DLG2: variants seen among roughly 807,000 people sequenced by gnomAD.
The protein encoded by DLG2 is discs large MAGUK scaffold protein 2, also known as disks large homolog 2.
DLG2 carries 45 observed loss-of-function variants against 132.5 expected under a neutral mutation model. The ratio of observed to expected loss-of-function variants is 0.34; its 90% CI spans 0.27 to 0.44. The LOEUF is 0.44. DLG2 is among the 20% of genes least tolerant of loss of function. DLG2 has a pLI of 1.00. For synonymous variants in DLG2, 424 were observed against 419.6 expected, an observed-to-expected ratio of 1.01 and a Z score of -0.13; for missense variants, 1,045 against 1,196.9, an observed-to-expected ratio of 0.87 and a Z score of 1.87.
At chr11:84,571,885 T>G (rs561253531) in intron 6 of DLG2, among the ~76,000 whole-genome samples, 1 of 152,086 alleles carries the variant, frequency 6.6e-6, no homozygotes. Context: ...AATAACCAGT[T>G]TCACTTACTG....
intron 4 of DLG2, among the ~76,000 whole-genome samples, chr11:85,238,897 G>A (rs1375671447): frequency 8.0e-5 from 12 of 150,796 alleles, no homozygotes; most frequent in East Asian, 2.0e-4. Flanking sequence ...GCTTTGCAAC[G>A]TCAGCTGCAA....
At chr11:84,672,583 C>T (rs2099707063) in intron 6 of DLG2, among the ~76,000 whole-genome samples, 1 of 152,058 alleles carries the variant, frequency 6.6e-6, no homozygotes, top group South Asian at 2.1e-4. Flanking sequence ...GCATTATAAA[C>T]ATGAAGAAGT....
rs927772458 is a variant in DLG2, at chr11:84,459,425, G to A, written c.519+75145C>T. 2.0e-5 allele frequency among the ~76,000 whole-genome samples: 3 copies of A among 150,606 alleles called. No individual in the cohort carries two copies. The Admixed American group carries it at 2.0e-4, about 10-fold the overall frequency. ...AGTAAACATTATAATCCTTTCATTA[G>A]TTAAAATAATTTATTATTTGGCCAT... On this transcript the variant is annotated intron_variant, in intron 7 of 27. Transcript: ENST00000376104.
At chr11:84,270,712 C>T (rs1326768682) in intron 7 of DLG2, among the ~76,000 whole-genome samples, 3 of 152,200 alleles carry the variant, frequency 2.0e-5, no homozygotes, top group Non-Finnish European at 4.4e-5. Flanking sequence ...TCCACACTCA[C>T]AGTAGATGCA....
At position 83,581,948 on chromosome 11, in the gene DLG2, C is replaced by CTTTTTTTTTTTT. The variant is rs71849863; in HGVS notation, c.1941-40102_1941-40091dup. ...GAATTTAGAATTCTGAGTTTGGACT[C>CTTTTTTTTTTTT]TTTTTTTTTTTTTTTTTTTTTTTTT... is the stretch of plus-strand genomic sequence containing the variant. On this transcript the variant is annotated intron_variant, in intron 19 of 27. Coordinates refer to ENST00000376104, the MANE Select transcript of DLG2 (RefSeq NM_001142699.3). Among the ~76,000 whole-genome samples the CTTTTTTTTTTTT allele has an allele frequency of 2.5e-4, 13 of 52,642 alleles. 1 individual carries two copies. Among genetic ancestry groups the CTTTTTTTTTTTT allele is most frequent in the Non-Finnish European group, 3.8e-4 (12 of 31,822 alleles). 34.5% of individuals were successfully genotyped at this position (52,642 alleles called of 152,430 possible).
chr11:84,802,475 T>C (rs940254560), intron 6 of DLG2, among the ~76,000 whole-genome samples: 4 of 151,956 alleles, frequency 2.6e-5, no homozygotes, highest in Non-Finnish European at 5.9e-5. Flanking sequence ...AGAGGAGCCT[T>C]GGAAGAAGTG....
chr11:85,128,651 A>G (rs2075391365), intron 5 of DLG2, among the ~76,000 whole-genome samples: 1 of 152,156 alleles, frequency 6.6e-6, no homozygotes, highest in African/African-American at 2.4e-5. Context: ...CCAATCATGT[A>G]AACTCATGGC....
rs140446332 is a variant in DLG2, at chr11:84,295,263, T to C, written c.520-43972A>G. ...ATGAGGATAAGATGACCTATCTCCC[T>C]ATGTTATTTTGGGGGTTATGTTAAA... On this transcript the variant is annotated intron_variant, in intron 7 of 27. Transcript: ENST00000376104. Among the ~76,000 whole-genome samples, 15 of 152,318 alleles carry C rather than the reference T, an allele frequency of 9.8e-5. No individual in the cohort carries two copies. The East Asian group carries it at 1.7e-3, about 18-fold the overall frequency.
At chr11:84,212,364 G>A (rs1481050736) in intron 8 of DLG2, among the ~76,000 whole-genome samples, 1 of 152,012 alleles carries the variant, frequency 6.6e-6, no homozygotes, top group Non-Finnish European at 1.5e-5. Context: ...TATAATTTGG[G>A]GACCTCTTAT....
intron 4 of DLG2, among the ~76,000 whole-genome samples, chr11:85,209,178 G>C (rs2082089508): frequency 6.6e-6 from 1 of 152,062 alleles, no homozygotes; most frequent in Non-Finnish European, 1.5e-5. Context: ...GATCACACTA[G>C]TTCAATCTGA....
At chr11:83,994,069 G>A (rs2093880430) in intron 11 of DLG2, among the ~76,000 whole-genome samples, 1 of 152,002 alleles carries the variant, frequency 6.6e-6, no homozygotes, top group Non-Finnish European at 1.5e-5. Flanking sequence ...TAACTTAAAA[G>A]TACTCTCTCT....
At chr11:84,864,171 G>A (rs947767997) in intron 6 of DLG2, among the ~76,000 whole-genome samples, 4 of 152,204 alleles carry the variant, frequency 2.6e-5, no homozygotes, top group African/African-American at 9.6e-5. Flanking sequence ...TATGTACACA[G>A]TACGTTAAAA....
chr11:85,163,206 TACACACACACACACACAG>T (rs925645156), intron 4 of DLG2, among the ~76,000 whole-genome samples: 1 of 148,170 alleles, frequency 6.7e-6, no homozygotes, highest in African/African-American at 2.5e-5. Flanking sequence ...TTATATATAT[TACACACACACACACACAG>T]ACACACACAC....
chr11:83,747,359 CCTTCCTG>C (rs1413075164), intron 18 of DLG2, among the ~76,000 whole-genome samples: 33 of 139,888 alleles, frequency 2.4e-4, no homozygotes, highest in Middle Eastern at 3.7e-3. Flanking sequence ...TTCCTGCCTT[CCTTCCTG>C]TCTCTCTCTC....
intron 6 of DLG2, among the ~76,000 whole-genome samples, chr11:84,584,899 G>A (rs2099525889): frequency 1.3e-5 from 2 of 150,968 alleles, no homozygotes; most frequent in South Asian, 2.1e-4. Context: ...CGTTTTAGTC[G>A]GGATGGTCTC....
intron 15 of DLG2, among the ~76,000 whole-genome samples, chr11:83,879,638 A>T (rs995038489): frequency 1.6e-4 from 24 of 152,222 alleles, no homozygotes; most frequent in African/African-American, 5.8e-4. Context: ...ACCTTCCCAC[A>T]TGAAACTGGA....
chr11:85,567,732 A>C (rs2077606672), intron 3 of DLG2, among the ~76,000 whole-genome samples: 1 of 152,124 alleles, frequency 6.6e-6, no homozygotes, highest in Non-Finnish European at 1.5e-5. Flanking sequence ...TCCGTCTCTC[A>C]CTATTAAGTA....
intron 7 of DLG2, among the ~76,000 whole-genome samples, chr11:84,416,983 G>A (rs1013222558): frequency 4.6e-5 from 7 of 152,154 alleles, no homozygotes; most frequent in African/African-American, 7.2e-5. Flanking sequence ...TGGATTCGAC[G>A]AATACTGATA....
At chr11:85,308,686 T>G (rs1371398283) in intron 3 of DLG2, among the ~76,000 whole-genome samples, 2 of 152,166 alleles carry the variant, frequency 1.3e-5, no homozygotes, top group Non-Finnish European at 2.9e-5. Flanking sequence ...TAATAAATTA[T>G]CTTCAATTAA....
Sources: allele counts gnomAD v4.1 joint callset (sites outside exome capture counted in the v4.1 genomes callset), GRCh38; gene constraint gnomAD v4.1.1; transcripts MANE v1.5; gene names NCBI Gene and HGNC (gene_info 2026-07-23, HGNC 2026-07-21).